TRIM33: variants seen among roughly 807,000 people sequenced by gnomAD.
The protein encoded by TRIM33 is tripartite motif containing 33, also known as E3 ubiquitin-protein ligase TRIM33.
In TRIM33, 20 loss-of-function variants were observed where a neutral mutation model predicts 125.4. That is an observed-to-expected ratio of 0.16 (90% confidence interval 0.11 to 0.23). The LOEUF (loss-of-function observed/expected upper bound fraction) is 0.23, where lower values mean the gene tolerates loss of function less well. Ranked by LOEUF, TRIM33 falls within the 10% of genes least tolerant of loss-of-function variation. TRIM33 has a pLI of 1.00. For missense variants in TRIM33, 920 were observed against 1,411.4 expected (o/e 0.65, Z 5.58); for synonymous variants, 564 against 513.9 (o/e 1.10, Z -1.32).
At chr1:114,424,353 T>A (rs1647408655) in intron 10 of TRIM33, among the ~76,000 whole-genome samples, 1 of 152,036 alleles carries the variant, frequency 6.6e-6, no homozygotes, top group Non-Finnish European at 1.5e-5. Flanking sequence ...ATTGAATGGG[T>A]TAACTACATC....
intron 8 of TRIM33, among the ~76,000 whole-genome samples, chr1:114,426,311 T>G (rs1647577970): frequency 6.6e-6 from 1 of 152,138 alleles, no homozygotes; most frequent in Non-Finnish European, 1.5e-5. Flanking sequence ...TAATGGGCTA[T>G]AGAGTAAATA....
chr1:114,413,558 CAAA>C (rs34268626), intron 11 of TRIM33, among the ~76,000 whole-genome samples: 2 of 40,800 alleles, frequency 4.9e-5, no homozygotes, highest in Non-Finnish European at 8.4e-5. Flanking sequence ...AACTCCATCT[CAAA>C]AAAAAAAAAA....
At position 114,394,358 on chromosome 1, in the gene TRIM33, T is replaced by C. The variant is rs1230219325; in HGVS notation, c.*3290A>G. 2 of 225,032 alleles carry C rather than the reference T, an allele frequency of 8.9e-6. No individual in the cohort carries two copies. The highest frequency in any genetic ancestry group is 4.5e-5 in the African/African-American group (2 of 44,858). 13.9% of individuals were successfully genotyped at this position (225,032 alleles called of 1,614,324 possible). On this transcript the variant is annotated 3_prime_UTR_variant, in exon 20 of 20. Transcript: ENST00000358465. The stretch of plus-strand genomic sequence containing the variant: ...GATAGTAAGAGACCATTTAATAACA[T>C]ACAGTAGGCCACAATCCAAGGGCAT...
At chr1:114,421,073 GCAA>G (rs1653252281) in intron 11 of TRIM33, among the ~76,000 whole-genome samples, 1 of 151,976 alleles carries the variant, frequency 6.6e-6, no homozygotes. Context: ...CTGTCATCTT[GCAA>G]CAACATGAAT....
intron 15 of TRIM33, chr1:114,404,806 T>C (rs961360906): frequency 1.4e-5 from 2 of 147,800 alleles, no homozygotes; most frequent in African/African-American, 2.5e-5. Context: ...TGAGAAGATA[T>C]ATCTTTTTTT....
chr1:114,449,029 T>G (rs1285543535), intron 4 of TRIM33, among the ~76,000 whole-genome samples: 1 of 151,826 alleles, frequency 6.6e-6, no homozygotes, highest in East Asian at 1.9e-4. Context: ...TACCACTGAG[T>G]TAGGGAAAAA....
chr1:114,411,521 G>C (rs1031719426), intron 11 of TRIM33, among the ~76,000 whole-genome samples: 1 of 152,112 alleles, frequency 6.6e-6, no homozygotes, highest in Non-Finnish European at 1.5e-5. Flanking sequence ...TTGTTATGAG[G>C]GGGGAGTACC....
intron 4 of TRIM33, 76 bp from the exon 5 acceptor site, chr1:114,433,809 G>T (rs1046641592): frequency 3.3e-6 from 3 of 900,278 alleles, no homozygotes; most frequent in South Asian, 3.1e-5. Context: ...ACAGCTAAAT[G>T]AGTCAATCTT....
intron 1 of TRIM33, among the ~76,000 whole-genome samples, chr1:114,470,506 GTC>G (rs1650571600): frequency 6.6e-6 from 1 of 152,032 alleles, no homozygotes; most frequent in African/African-American, 2.4e-5. Context: ...GCCACTCCCT[GTC>G]TCTCTCCCTT....
chr1:114,450,694 A>G (rs1649258908), intron 4 of TRIM33, among the ~76,000 whole-genome samples: 1 of 152,104 alleles, frequency 6.6e-6, no homozygotes, highest in African/African-American at 2.4e-5. Context: ...TGTCTGGCCT[A>G]ACGTTCCTAT....
chr1:114,445,001 G>A (rs991553039), intron 4 of TRIM33, among the ~76,000 whole-genome samples: 2 of 152,110 alleles, frequency 1.3e-5, no homozygotes, highest in Non-Finnish European at 2.9e-5. Context: ...AGAAAAAAAG[G>A]AAATTCTAGA....
At chr1:114,477,990 T>C (rs1651076430) in intron 1 of TRIM33, among the ~76,000 whole-genome samples, 1 of 152,136 alleles carries the variant, frequency 6.6e-6, no homozygotes, top group South Asian at 2.1e-4. Context: ...CTTTCAATAA[T>C]GGCACAAGGG....
chr1:114,435,771 A>G (rs11102790), intron 4 of TRIM33, among the ~76,000 whole-genome samples: 53,461 of 151,524 alleles, frequency 0.35, 10,097 homozygotes, highest in African/African-American at 0.46. Context: ...CTATCACCCA[A>G]GCTGGAATGC....
chr1:114,417,784 A>G (rs1432155104), intron 11 of TRIM33, among the ~76,000 whole-genome samples: 1 of 152,004 alleles, frequency 6.6e-6, no homozygotes, highest in Non-Finnish European at 1.5e-5. Context: ...TCAGCCTCCC[A>G]AATAGCTGGG....
intron 11 of TRIM33, among the ~76,000 whole-genome samples, chr1:114,414,027 G>GCACACACACACACACACACACACACA (rs3077592): frequency 2.3e-5 from 3 of 130,588 alleles, no homozygotes; most frequent in African/African-American, 6.0e-5. Flanking sequence ...TAAATCACAG[G>GCACACACACACACACACACACACACA]CACACACACA....
intron 1 of TRIM33, among the ~76,000 whole-genome samples, chr1:114,493,070 T>C (rs753899004): frequency 6.6e-6 from 1 of 152,216 alleles, no homozygotes; most frequent in African/African-American, 2.4e-5. Flanking sequence ...CAACACTTTG[T>C]TGTTTTTTAA....
rs1471497858 is a variant in TRIM33 at position 114,395,417 on chromosome 1, A to C, written c.*2231T>G. On this transcript the variant is annotated 3_prime_UTR_variant, in exon 20 of 20. Coordinates refer to ENST00000358465, the MANE Select transcript of TRIM33 (RefSeq NM_015906.4). ...CCAAATACTGAAAAATATTTACTTA[A>C]AATGTTTCTCCCCTCAGTTGGCAGA... The C allele has an allele frequency of 5.0e-6, 1 of 198,824 alleles. No homozygotes were observed. Among genetic ancestry groups the C allele is most frequent in the African/African-American group, 2.3e-5 (1 of 43,440 alleles). The allele number at this position is 198,824 out of a possible 1,614,324, so 12.3% of individuals were successfully genotyped here.
At chr1:114,510,334 C>G (rs1247042188) in intron 1 of TRIM33, among the ~76,000 whole-genome samples, 2 of 152,196 alleles carry the variant, frequency 1.3e-5, no homozygotes, top group Non-Finnish European at 2.9e-5. Flanking sequence ...TCCCCTCCCC[C>G]AGCCTCTCGC....
intron 1 of TRIM33, among the ~76,000 whole-genome samples, chr1:114,507,349 C>T (rs1319014639): frequency 2.6e-5 from 4 of 152,178 alleles, no homozygotes; most frequent in Non-Finnish European, 5.9e-5. Flanking sequence ...CCAGGAACCA[C>T]ACTCTGAGAA....
Sources: gnomAD v4.1 joint callset for allele counts (sites outside exome capture counted in the v4.1 genomes callset) on GRCh38, gnomAD v4.1.1 for gene constraint, MANE v1.5 for transcripts, NCBI Gene and HGNC (gene_info 2026-07-23, HGNC 2026-07-21) for gene names.